The following ERMP1 variants were observed in gnomAD, a reference collection of about 807,000 sequenced individuals.
ERMP1 encodes Felix-ina.
A neutral mutation model predicts 92.0 loss-of-function variants in ERMP1; 86 were observed. The ratio of observed to expected loss-of-function variants is 0.93; its 90% confidence interval spans 0.79 to 1.12. The LOEUF (loss-of-function observed/expected upper bound fraction) is 1.12, where lower values mean the gene tolerates loss of function less well. ERMP1 is among the 50% of genes most tolerant of loss of function. The pLI, the probability that ERMP1 is intolerant of heterozygous loss-of-function variation, is 0.00. For missense variants in ERMP1, 1,342 were observed against 1,116.3 expected, an observed-to-expected ratio of 1.20 and a Z score of -2.88; for synonymous variants, 530 against 412.8, an observed-to-expected ratio of 1.28 and a Z score of -3.44.
At chr9:5,819,702 G>C (rs1829457435) in intron 4 of ERMP1, among the ~76,000 whole-genome samples, 1 of 152,106 alleles carries the variant, frequency 6.6e-6, no homozygotes, top group African/African-American at 2.4e-5. Context: ...CATCTTCTTT[G>C]AGAGTCTCCC....
intron 13 of ERMP1, chr9:5,791,096 GC>G (rs2131200025): frequency 2.6e-6 from 1 of 378,150 alleles, no homozygotes; most frequent in African/African-American, 2.1e-5. Context: ...AAAAAGTATA[GC>G]GTGAACAGCT....
At chr9:5,826,910 C>A (rs150838311) in intron 2 of ERMP1, among the ~76,000 whole-genome samples, 5 of 152,066 alleles carry the variant, frequency 3.3e-5, no homozygotes, top group African/African-American at 1.2e-4. Context: ...GGTTCTGGTG[C>A]GTTAAAAGAG....
Position 5,833,083 on chromosome 9 carries a change from C to CCGCCGACGCCGCCGT in ERMP1, c.-71_-57dup. The CCGCCGACGCCGCCGT allele has an allele frequency of 7.4e-7, 1 of 1,354,064 alleles. No individual in the cohort carries two copies. The allele number at this position is 1,354,064 out of a possible 1,614,324, so 83.9% of individuals were successfully genotyped here. On this transcript the variant is annotated 5_prime_UTR_variant, in exon 1 of 15. Transcript: ENST00000339450. ...CCCCAACCCGCGACAGCCCCGGCCGCCGCCGACGCCGCCGTCGCTGCCGCA... is the reference window on the plus strand; with the variant it reads ...CCCCAACCCGCGACAGCCCCGGCCGCCGCCGACGCCGCCGTCGCCGACGCCGCCGTCGCTGCCGCA...
intron 8 of ERMP1, among the ~76,000 whole-genome samples, chr9:5,809,467 AT>A (rs1250936048): frequency 2.0e-5 from 3 of 152,246 alleles, no homozygotes; most frequent in Non-Finnish European, 2.9e-5. Flanking sequence ...CTCCAATGAC[AT>A]ACATGCATGC....
Position 5,825,150 on chromosome 9 carries a change from T to C in ERMP1, c.710A>G (p.Glu237Gly). 2 of 1,614,156 alleles carry C rather than the reference T, an allele frequency of 1.2e-6. No individual in the cohort carries two copies. The highest frequency in any genetic ancestry group is 1.3e-5 in the African/African-American group (1 of 75,064). Reference protein sequence around the residue: ...EVLRVLSTSSEALHHAVIFLF... With the variant: ...EVLRVLSTSSGALHHAVIFLF... ...AAATATGACAGCATGATGCAAGGCT[T>C]CTGAAGATGTTGACAAGACGCGAAG... The change falls in exon 3 of 15, where the codon GAA (glutamate) becomes GGA (glycine). Residue 237 changes from glutamate to glycine, a missense_variant. Glu to Gly is a moderately conservative substitution (Grantham distance 98). Coordinates refer to ENST00000339450, the MANE Select transcript of ERMP1 (RefSeq NM_024896.3).
upstream of ERMP1, among the ~76,000 whole-genome samples, chr9:5,834,703 A>ATATATGTGTGTG (rs1554627430): frequency 8.1e-6 from 1 of 122,906 alleles, no homozygotes; most frequent in East Asian, 2.6e-4. Flanking sequence ...GTATGTATAT[A>ATATATGTGTGTG]TGTGTGTGTG....
At chr9:5,855,002 G>C (rs1830355959) in intron 6 of ERMP1, among the ~76,000 whole-genome samples, 1 of 152,150 alleles carries the variant, frequency 6.6e-6, no homozygotes, top group South Asian at 2.1e-4. Context: ...GTTCAGACCA[G>C]CAGTTTAATA....
At chr9:5,810,277 TCA>T in intron 7 of ERMP1, 46 bp from the exon 8 acceptor site, 1 of 1,423,006 alleles carries the variant, frequency 7.0e-7, no homozygotes. Flanking sequence ...CTTCATCAAA[TCA>T]GTTATATAAC....
intron 1 of ERMP1, chr9:5,832,397 G>C: frequency 2.6e-6 from 1 of 387,066 alleles, no homozygotes; most frequent in Non-Finnish European, 4.6e-6. Flanking sequence ...ATGGGGAGAC[G>C]ACTCACAACC....
chr9:5,825,860 G>C (rs756527461), intron 2 of ERMP1, among the ~76,000 whole-genome samples: 5 of 152,128 alleles, frequency 3.3e-5, no homozygotes, highest in Non-Finnish European at 7.4e-5. Flanking sequence ...ACCTCTTCTT[G>C]ATTCAGAAAT....
At chr9:5,854,541 CT>C (rs1490585863) in intron 6 of ERMP1, among the ~76,000 whole-genome samples, 1 of 152,126 alleles carries the variant, frequency 6.6e-6, no homozygotes, top group Non-Finnish European at 1.5e-5. Context: ...TGGTCTTATA[CT>C]TTTTTCTGAG....
intron 13 of ERMP1, among the ~76,000 whole-genome samples, chr9:5,790,586 A>C (rs1191378109): frequency 6.6e-6 from 1 of 152,254 alleles, no homozygotes; most frequent in Non-Finnish European, 1.5e-5. Context: ...GTATGAACAA[A>C]GGTATTTCAG....
At chr9:5,856,115 C>T (rs745663369) in intron 6 of ERMP1, 49 of 362,908 alleles carry the variant, frequency 1.4e-4, no homozygotes, top group South Asian at 2.1e-4. Flanking sequence ...AATCTTCAAA[C>T]AGATCACTAA....
intron 11 of ERMP1, among the ~76,000 whole-genome samples, chr9:5,799,520 G>GA (rs1439801988): frequency 1.7e-4 from 25 of 151,088 alleles, no homozygotes; most frequent in Admixed American, 1.5e-3. Context: ...TACCAATCAG[G>GA]AAAAAAACAA....
intron 6 of ERMP1, among the ~76,000 whole-genome samples, chr9:5,845,955 T>C (rs1460696249): frequency 1.3e-5 from 2 of 152,156 alleles, no homozygotes; most frequent in African/African-American, 4.8e-5. Context: ...GAAGCCACTT[T>C]GGAGTGTCAG....
chr9:5,834,385 T>C (rs965594107), upstream of ERMP1, among the ~76,000 whole-genome samples: 1 of 152,226 alleles, frequency 6.6e-6, no homozygotes, highest in African/African-American at 2.4e-5. Flanking sequence ...ATGTGACTAT[T>C]TCATAACTTC....
chr9:5,826,678 A>G (rs1829741627), intron 2 of ERMP1, among the ~76,000 whole-genome samples: 2 of 152,260 alleles, frequency 1.3e-5, no homozygotes, highest in South Asian at 2.1e-4. Flanking sequence ...TAATCATTTA[A>G]TTACTATCAA....
chr9:5,857,173 A>C (rs1399352134), intron 6 of ERMP1, among the ~76,000 whole-genome samples: 3 of 152,080 alleles, frequency 2.0e-5, no homozygotes, highest in Non-Finnish European at 4.4e-5. Flanking sequence ...AGACCTGTGC[A>C]ATCATGCCTG....
rs1586755236 is a variant in ERMP1, at chr9:5,785,698, A to C, written c.*1446T>G. The C allele has an allele frequency of 6.5e-6, 1 of 152,744 alleles. No homozygotes were observed. The highest frequency in any genetic ancestry group is 1.5e-5 in the Non-Finnish European group (1 of 68,026). The allele number at this position is 152,744 out of a possible 1,614,324, so 9.5% of individuals were successfully genotyped here. ...AATGCATACTTACTGTGCTCTTTCT[A>C]TTCAGACAGATCCACAGACCACCTT... On this transcript the variant is annotated 3_prime_UTR_variant, in exon 15 of 15. Transcript: ENST00000339450.
Sources: allele counts gnomAD v4.1 joint callset (sites outside exome capture counted in the v4.1 genomes callset), GRCh38; gene constraint gnomAD v4.1.1; transcripts MANE v1.5; gene names NCBI Gene and HGNC (gene_info 2026-07-23, HGNC 2026-07-21).